The following PRTFDC1 variants were observed in gnomAD, a reference collection of about 807,000 sequenced individuals.
The protein encoded by PRTFDC1 is phosphoribosyl transferase domain containing 1.
Under a neutral mutation model 34.6 loss-of-function variants are expected in PRTFDC1, and 38 were observed. The observed-to-expected ratio is 1.10, with a 90% CI of 0.85 to 1.44. The LOEUF (loss-of-function observed/expected upper bound fraction) is 1.44. Among genes scored for constraint, PRTFDC1 ranks in the 40% most tolerant of loss-of-function variants. The probability of loss-of-function intolerance (pLI) is 0.00; values close to 1 mark genes in which losing one functional copy is unlikely to be tolerated. For synonymous variants in PRTFDC1, 93 were observed against 98.1 expected (o/e 0.95, Z 0.31); for missense variants, 270 against 283.0 (o/e 0.95, Z 0.33).
At chr10:24,911,488 A>G (rs1848626059) in intron 3 of PRTFDC1, among the ~76,000 whole-genome samples, 1 of 152,178 alleles carries the variant, frequency 6.6e-6, no homozygotes, top group Admixed American at 6.5e-5. Context: ...TTCCTTCATC[A>G]GTTTGTGGAC....
Position 24,937,425 on chromosome 10 carries a change from T to G in PRTFDC1, c.156-58A>C. 5 of 1,451,924 alleles carry G rather than the reference T, an allele frequency of 3.4e-6. No individual in the cohort carries two copies. The South Asian group carries it at 6.6e-5, about 19-fold the overall frequency. The allele number at this position is 1,451,924 out of a possible 1,614,324, so 89.9% of individuals were successfully genotyped here. On this transcript the variant is annotated intron_variant, in intron 2 of 8. Coordinates refer to ENST00000320152, the MANE Select transcript of PRTFDC1 (RefSeq NM_020200.7). ...AACTACTTCTGAGTATTTATGTTGC[T>G]TTAATGAAATGCAAGATGTATTGTA...
At chr10:24,945,540 G>T (rs530223598) in intron 1 of PRTFDC1, among the ~76,000 whole-genome samples, 1 of 152,146 alleles carries the variant, frequency 6.6e-6, no homozygotes, top group Non-Finnish European at 1.5e-5. Flanking sequence ...CTGCAGCCTC[G>T]AACTTTTAGG....
intron 3 of PRTFDC1, among the ~76,000 whole-genome samples, chr10:24,889,288 C>T (rs1269993192): frequency 6.6e-6 from 1 of 151,958 alleles, no homozygotes; most frequent in East Asian, 1.9e-4. Flanking sequence ...TGCAAGTGGG[C>T]CCTCACCACA....
At chr10:24,930,985 G>A (rs567767742) in intron 3 of PRTFDC1, among the ~76,000 whole-genome samples, 8 of 152,068 alleles carry the variant, frequency 5.3e-5, no homozygotes, top group East Asian at 3.9e-4. Flanking sequence ...GATAGTTTCC[G>A]CAATATAAAA....
intron 3 of PRTFDC1, among the ~76,000 whole-genome samples, chr10:24,929,984 G>A (rs1384302529): frequency 6.6e-6 from 1 of 152,134 alleles, no homozygotes; most frequent in Non-Finnish European, 1.5e-5. Context: ...TCCCAGGGAG[G>A]TTGAAGTTGC....
intron 1 of PRTFDC1, chr10:24,951,622 C>A: frequency 3.0e-6 from 3 of 985,202 alleles, no homozygotes; most frequent in Non-Finnish European, 3.6e-6. Context: ...AAAGAGATGG[C>A]AAGTTAGCCC....
intron 3 of PRTFDC1, among the ~76,000 whole-genome samples, chr10:24,893,791 T>C (rs926078529): frequency 1.3e-5 from 2 of 152,226 alleles, no homozygotes; most frequent in Non-Finnish European, 2.9e-5. Context: ...TGGCAGAGCC[T>C]GAATGTGAAC....
intron 3 of PRTFDC1, among the ~76,000 whole-genome samples, chr10:24,891,848 G>C (rs920137943): frequency 7.9e-5 from 12 of 152,278 alleles, no homozygotes; most frequent in Middle Eastern, 3.4e-3. Flanking sequence ...ATCCTTGCAA[G>C]ACAGAGATAA....
chr10:24,916,819 C>T (rs924159241), intron 3 of PRTFDC1, among the ~76,000 whole-genome samples: 19 of 152,136 alleles, frequency 1.2e-4, no homozygotes, highest in Admixed American at 9.2e-4. Context: ...TCCTGACATA[C>T]GAGTGTAACT....
intron 3 of PRTFDC1, among the ~76,000 whole-genome samples, chr10:24,886,060 T>G (rs979912918): frequency 1.3e-5 from 2 of 152,166 alleles, no homozygotes; most frequent in East Asian, 1.9e-4. Flanking sequence ...ACTACTCCAG[T>G]GGATTGATAT....
intron 3 of PRTFDC1, among the ~76,000 whole-genome samples, chr10:24,909,025 T>G (rs1022955795): frequency 1.3e-5 from 2 of 152,206 alleles, no homozygotes; most frequent in African/African-American, 4.8e-5. Context: ...CCAGGTGCAG[T>G]GGCTCATGCC....
chr10:24,878,585 T>C (rs1483496849), intron 3 of PRTFDC1, among the ~76,000 whole-genome samples: 1 of 152,186 alleles, frequency 6.6e-6, no homozygotes, highest in Non-Finnish European at 1.5e-5. Context: ...CCTTTAGTCA[T>C]GCATCTTTGG....
chr10:24,951,509 TTCTG>T (rs1849344181), intron 1 of PRTFDC1: 2 of 962,900 alleles, frequency 2.1e-6, no homozygotes, highest in African/African-American at 3.5e-5. Context: ...AACCTGACCC[TTCTG>T]TCTGAATGTG....
chr10:24,886,984 G>T (rs1218946585), intron 3 of PRTFDC1, among the ~76,000 whole-genome samples: 5 of 66,942 alleles, frequency 7.5e-5, no homozygotes, highest in East Asian at 6.7e-4. Context: ...TTTTTTTTGA[G>T]ACGGAGTCTC....
In PRTFDC1 at chr10:24,849,058, AT is replaced by A. The variant is rs559643714; in HGVS notation, c.*785del. 60 of 152,326 alleles carry A rather than the reference AT, an allele frequency of 3.9e-4. No homozygotes were observed. Among genetic ancestry groups the A allele is most frequent in the African/African-American group, 1.3e-3 (52 of 41,582 alleles). The allele number at this position is 152,326 out of a possible 1,614,324, so 9.4% of individuals were successfully genotyped here. On this transcript the variant is annotated 3_prime_UTR_variant, in exon 9 of 9. Coordinates refer to ENST00000320152, the MANE Select transcript of PRTFDC1 (RefSeq NM_020200.7). ...GAAAGCACTCGCCCCTAATTCTGCC[AT>A]TTGCTCATGTCCCACATGAATAAAA...
At chr10:24,896,169 A>G (rs1428605348) in intron 3 of PRTFDC1, among the ~76,000 whole-genome samples, 1 of 152,224 alleles carries the variant, frequency 6.6e-6, no homozygotes. Context: ...AGGGCCACAC[A>G]GCAGGAGGTG....
intron 4 of PRTFDC1, among the ~76,000 whole-genome samples, chr10:24,864,957 A>C (rs1847750250): frequency 6.6e-6 from 1 of 152,088 alleles, no homozygotes; most frequent in Non-Finnish European, 1.5e-5. Context: ...CTCTACTAAA[A>C]ATATAAAAAT....
intron 1 of PRTFDC1, 101 bp from the exon 2 acceptor site, chr10:24,942,537 G>A: frequency 1.1e-6 from 1 of 949,592 alleles, no homozygotes; most frequent in South Asian, 1.4e-5. Flanking sequence ...CTCAACTTAT[G>A]AAAAGTTTAG....
chr10:24,933,682 A>T (rs1849003580), intron 3 of PRTFDC1, among the ~76,000 whole-genome samples: 1 of 146,512 alleles, frequency 6.8e-6, no homozygotes, highest in Non-Finnish European at 1.5e-5. Context: ...CTTTGGGAAA[A>T]GAGTTTGGCA....
Sources: gnomAD v4.1 joint callset for allele counts (sites outside exome capture counted in the v4.1 genomes callset) on GRCh38, gnomAD v4.1.1 for gene constraint, MANE v1.5 for transcripts, NCBI Gene and HGNC (gene_info 2026-07-23, HGNC 2026-07-21) for gene names.